Variants in OR1J2 observed in about 807,000 individuals in gnomAD.
OR1J2 encodes olfactory receptor family 1 subfamily J member 2.
For missense variants in OR1J2, 304 were observed against 246.1 expected, an observed-to-expected ratio of 1.24 and a Z score of -1.57; for synonymous variants, 142 against 99.7, an observed-to-expected ratio of 1.42 and a Z score of -2.52.
chr9:122,478,555 T>C, the OR1J2 span, among the ~76,000 whole-genome samples: 1 of 152,168 alleles, frequency 6.6e-6, no homozygotes, highest in Non-Finnish European at 1.5e-5. Flanking sequence ...AAAAAACTCT[T>C]CCATGTAAAC....
chr9:122,565,187 C>T, the OR1J2 span, among the ~76,000 whole-genome samples: 1 of 152,144 alleles, frequency 6.6e-6, no homozygotes, highest in African/African-American at 2.4e-5. Flanking sequence ...GAAACACATT[C>T]TGGGTGATCA....
the OR1J2 span, among the ~76,000 whole-genome samples, chr9:122,547,474 T>A: frequency 6.6e-6 from 1 of 152,180 alleles, no homozygotes; most frequent in Non-Finnish European, 1.5e-5. Flanking sequence ...AGTGTAACTA[T>A]CACCAGAATA....
chr9:122,470,318 G>T, the OR1J2 span, among the ~76,000 whole-genome samples: 1 of 152,318 alleles, frequency 6.6e-6, no homozygotes, highest in Admixed American at 6.5e-5. Context: ...CTCAGGCCAT[G>T]GCTTCAGATG....
the OR1J2 span, chr9:122,553,438 T>C: frequency 6.2e-7 from 1 of 1,614,184 alleles, no homozygotes; most frequent in Non-Finnish European, 8.5e-7. Context: ...GATGCCTGTT[T>C]CACTTCTGCC....
At chr9:122,459,686 G>A in the OR1J2 span, among the ~76,000 whole-genome samples, 2 of 152,128 alleles carry the variant, frequency 1.3e-5, no homozygotes, top group Non-Finnish European at 2.9e-5. Flanking sequence ...TCAGAGAGAT[G>A]TCAGTACTCT....
At chr9:122,519,530 C>T in the OR1J2 span, 1 of 1,614,168 alleles carries the variant, frequency 6.2e-7, no homozygotes, top group Non-Finnish European at 8.5e-7. Context: ...GTCACCCCCT[C>T]CGCTACACCA....
At chr9:122,468,745 T>G in the OR1J2 span, among the ~76,000 whole-genome samples, 1 of 152,180 alleles carries the variant, frequency 6.6e-6, no homozygotes, top group African/African-American at 2.4e-5. Context: ...CCTGACTGTG[T>G]TTTTTCCTCA....
the OR1J2 span, among the ~76,000 whole-genome samples, chr9:122,549,743 A>G: frequency 6.6e-6 from 1 of 152,086 alleles, no homozygotes. Context: ...TACTAGTACC[A>G]TGTTGTTTTG....
chr9:122,487,257 A>G, the OR1J2 span, among the ~76,000 whole-genome samples: 4 of 152,152 alleles, frequency 2.6e-5, no homozygotes, highest in Non-Finnish European at 4.4e-5. Flanking sequence ...TATTTTTTAA[A>G]CCTTGAAGAA....
At chr9:122,470,987 C>T in the OR1J2 span, among the ~76,000 whole-genome samples, 2 of 152,336 alleles carry the variant, frequency 1.3e-5, no homozygotes, top group South Asian at 2.1e-4. Flanking sequence ...TTTACAGGCT[C>T]ATAGGAGGAA....
the OR1J2 span, among the ~76,000 whole-genome samples, chr9:122,486,941 C>A: frequency 6.6e-6 from 1 of 151,928 alleles, no homozygotes; most frequent in Admixed American, 6.6e-5. Flanking sequence ...AGTCTTTAAT[C>A]AGATGATCAG....
chr9:122,512,648 A>G (rs1828653833), downstream of OR1J2, among the ~76,000 whole-genome samples: 2 of 152,142 alleles, frequency 1.3e-5, no homozygotes, highest in South Asian at 4.1e-4. Context: ...CCAGTCTCTA[A>G]ATTATCTCAT....
the OR1J2 span, among the ~76,000 whole-genome samples, chr9:122,545,771 A>G: frequency 2.0e-5 from 3 of 152,212 alleles, no homozygotes; most frequent in African/African-American, 7.2e-5. Flanking sequence ...ATATGTATGT[A>G]TACTCTCCAA....
chr9:122,569,283 G>A, the OR1J2 span, among the ~76,000 whole-genome samples: 1 of 152,032 alleles, frequency 6.6e-6, no homozygotes, highest in Non-Finnish European at 1.5e-5. Context: ...TACAGAATAA[G>A]CACCCATTGT....
the OR1J2 span, among the ~76,000 whole-genome samples, chr9:122,482,007 C>G: frequency 6.6e-6 from 1 of 151,824 alleles, no homozygotes; most frequent in Non-Finnish European, 1.5e-5. Context: ...CAAAAATAGA[C>G]AAATAAGATT....
the OR1J2 span, among the ~76,000 whole-genome samples, chr9:122,500,912 C>A: frequency 1.3e-3 from 198 of 151,844 alleles, no homozygotes; most frequent in Non-Finnish European, 2.3e-3. Context: ...AACTAGTTTC[C>A]GTGAATAAGG....
the OR1J2 span, among the ~76,000 whole-genome samples, chr9:122,495,742 T>C: frequency 2.6e-5 from 4 of 152,118 alleles, no homozygotes; most frequent in Admixed American, 2.0e-4. Context: ...GTATGATCTT[T>C]TGGGGGTGTT....
chr9:122,566,424 T>C, the OR1J2 span, among the ~76,000 whole-genome samples: 41,401 of 152,030 alleles, frequency 0.27, 5,829 homozygotes, highest in Middle Eastern at 0.34. Flanking sequence ...GCTACACACA[T>C]ATGTACATTC....
chr9:122,547,113 G>A, the OR1J2 span, among the ~76,000 whole-genome samples: 6 of 73,308 alleles, frequency 8.2e-5, no homozygotes, highest in African/African-American at 3.4e-4. Flanking sequence ...TAAGCAGTGA[G>A]CCACATAAAA....
Sources: gnomAD v4.1 joint callset for allele counts (sites outside exome capture counted in the v4.1 genomes callset) on GRCh38, gnomAD v4.1.1 for gene constraint, MANE v1.5 for transcripts, NCBI Gene and HGNC (gene_info 2026-07-23, HGNC 2026-07-21) for gene names.